CFAP61: variants seen among roughly 807,000 people sequenced by gnomAD.
CFAP61 encodes the protein cilia- and flagella-associated protein 61.
Under a neutral mutation model 135.6 loss-of-function variants are expected in CFAP61, and 107 were observed. That is an observed-to-expected ratio of 0.79 (90% CI 0.67 to 0.93). CFAP61 has a LOEUF of 0.93. Among genes scored for constraint, CFAP61 ranks in the 40% least tolerant of loss-of-function variants. The pLI is 0.00. For synonymous variants in CFAP61, 575 were observed against 578.5 expected, an observed-to-expected ratio of 0.99 and a Z score of 0.09; for missense variants, 1,507 against 1,556.2, an observed-to-expected ratio of 0.97 and a Z score of 0.53.
At chr20:20,118,256 T>TTC (rs2049304598) in intron 8 of CFAP61, among the ~76,000 whole-genome samples, 2 of 37,290 alleles carry the variant, frequency 5.4e-5, no homozygotes, top group East Asian at 1.0e-3. Context: ...GAGGTATGTT[T>TTC]CTTTCTTTCT....
At chr20:20,159,554 TC>T in intron 10 of CFAP61, 110 bp downstream of exon 10, 1 of 847,158 alleles carries the variant, frequency 1.2e-6, no homozygotes, top group Non-Finnish European at 2.0e-6. Flanking sequence ...CCTGCCTGTC[TC>T]CACCAGTTCA....
intron 19 of CFAP61, 87 bp downstream of exon 19, chr20:20,246,302 A>G: frequency 1.1e-6 from 1 of 887,140 alleles, no homozygotes. Flanking sequence ...TAGATTTCAG[A>G]TTGGAAAAGG....
At chr20:20,337,374 ATGGATGGATGGATGGATGGATGGATAG>A (rs1569310664) in intron 25 of CFAP61, among the ~76,000 whole-genome samples, 2 of 43,258 alleles carry the variant, frequency 4.6e-5, no homozygotes, top group African/African-American at 1.9e-4. Flanking sequence ...GGATGGATGG[ATGGATGGATGGATGGATGGATGGATAG>A]ATGGGTGGGT....
At chr20:20,066,541 G>A (rs1001262384) in intron 2 of CFAP61, among the ~76,000 whole-genome samples, 3 of 152,194 alleles carry the variant, frequency 2.0e-5, no homozygotes, top group Non-Finnish European at 2.9e-5. Flanking sequence ...CATGGATGAC[G>A]CTGGAAACCA....
chr20:20,109,307 C>T (rs1258665657), intron 8 of CFAP61, among the ~76,000 whole-genome samples: 1 of 152,172 alleles, frequency 6.6e-6, no homozygotes, highest in African/African-American at 2.4e-5. Flanking sequence ...TCTTCCTGAA[C>T]TCTGTATTAG....
chr20:20,150,027 C>T (rs553677901), intron 9 of CFAP61, among the ~76,000 whole-genome samples: 5 of 152,270 alleles, frequency 3.3e-5, no homozygotes, highest in Admixed American at 1.3e-4. Context: ...ATAAACTTGT[C>T]GCTCTTAGCA....
chr20:20,167,006 A>G (rs918550755), intron 12 of CFAP61, among the ~76,000 whole-genome samples: 5 of 152,150 alleles, frequency 3.3e-5, no homozygotes, highest in Admixed American at 1.3e-4. Context: ...ATTATTTTCT[A>G]GGGATGAAGA....
chr20:20,278,631 G>C (rs111818541), intron 22 of CFAP61, among the ~76,000 whole-genome samples: 35 of 152,128 alleles, frequency 2.3e-4, no homozygotes, highest in African/African-American at 7.5e-4. Context: ...ACCTAGGAGT[G>C]GGGGGTGATC....
chr20:20,061,831 G>T (rs6136931), intron 2 of CFAP61, among the ~76,000 whole-genome samples: 9,209 of 152,242 alleles, frequency 0.06, 345 homozygotes, highest in East Asian at 0.12. Flanking sequence ...CTGGTCCCAG[G>T]CCCAAGCGTT....
intron 1 of CFAP61, among the ~76,000 whole-genome samples, chr20:20,053,968 G>A (rs1174356126): frequency 3.2e-5 from 4 of 125,780 alleles, no homozygotes; most frequent in Non-Finnish European, 6.8e-5. Flanking sequence ...TTACATTTCT[G>A]TTGTCTGGCA....
chr20:20,205,616 G>A (rs1337984061), intron 17 of CFAP61, among the ~76,000 whole-genome samples: 2 of 152,194 alleles, frequency 1.3e-5, no homozygotes, highest in African/African-American at 4.8e-5. Flanking sequence ...AGTGCAGTTT[G>A]AATTTTCCTC....
At chr20:20,334,062 C>T (rs1413425880) in intron 25 of CFAP61, among the ~76,000 whole-genome samples, 1 of 152,198 alleles carries the variant, frequency 6.6e-6, no homozygotes. Context: ...CAGTGCCTCC[C>T]AGCACCAGTG....
At chr20:20,220,933 A>G (rs1376954414) in intron 17 of CFAP61, 1 of 152,196 alleles carries the variant, frequency 6.6e-6, no homozygotes, top group Non-Finnish European at 1.5e-5. Flanking sequence ...TTTGTTAAAG[A>G]CATATATCTG....
intron 8 of CFAP61, among the ~76,000 whole-genome samples, chr20:20,136,951 A>G (rs562171131): frequency 1.3e-5 from 2 of 152,162 alleles, no homozygotes; most frequent in Non-Finnish European, 2.9e-5. Flanking sequence ...CACTGCATCT[A>G]TATCTGCATT....
At chr20:20,305,519 A>G (rs2056418300) in intron 25 of CFAP61, among the ~76,000 whole-genome samples, 1 of 152,126 alleles carries the variant, frequency 6.6e-6, no homozygotes, top group Non-Finnish European at 1.5e-5. Flanking sequence ...CCAGCTTCTC[A>G]ATTTTTTGGT....
intron 2 of CFAP61, among the ~76,000 whole-genome samples, chr20:20,059,972 A>G (rs965820515): frequency 8.5e-5 from 13 of 152,178 alleles, no homozygotes; most frequent in Non-Finnish European, 1.5e-4. Context: ...TGGAAAACTC[A>G]GTGGATCCCA....
chr20:20,307,614 C>A (rs2122177847), intron 25 of CFAP61, among the ~76,000 whole-genome samples: 1 of 152,140 alleles, frequency 6.6e-6, no homozygotes, highest in African/African-American at 2.4e-5. Context: ...TTTAAATGAG[C>A]AGATGTTTTA....
chr20:20,103,008 G>C (rs2048133846), intron 8 of CFAP61, among the ~76,000 whole-genome samples: 1 of 152,156 alleles, frequency 6.6e-6, no homozygotes, highest in African/African-American at 2.4e-5. Context: ...TCTGGCTGGT[G>C]TTAACAGAAA....
chr20:20,269,146 TACAC>T (rs1192884602), intron 21 of CFAP61, among the ~76,000 whole-genome samples: 31 of 85,594 alleles, frequency 3.6e-4, no homozygotes, highest in Admixed American at 2.5e-3. Flanking sequence ...TATATATATA[TACAC>T]ACACACACAC....
Sources: allele counts gnomAD v4.1 joint callset (sites outside exome capture counted in the v4.1 genomes callset), GRCh38; gene constraint gnomAD v4.1.1; transcripts MANE v1.5; gene names NCBI Gene and HGNC (gene_info 2026-07-23, HGNC 2026-07-21).